SATL1: variants seen among roughly 807,000 people sequenced by gnomAD.
The protein encoded by SATL1 is spermidine/spermine N(1)-acetyltransferase-like protein 1.
A neutral mutation model predicts 51.8 loss-of-function variants in SATL1; 47 were observed. The observed-to-expected ratio is 0.91, with a 90% confidence interval of 0.72 to 1.16. The LOEUF (loss-of-function observed/expected upper bound fraction) is 1.16, where lower values mean the gene tolerates loss of function less well. SATL1 is among the 50% of genes most tolerant of loss of function. The probability of loss-of-function intolerance (pLI) is 0.00; values close to 1 mark genes in which losing one functional copy is unlikely to be tolerated. For synonymous variants in SATL1, 176 were observed against 182.4 expected, an observed-to-expected ratio of 0.97 and a Z score of 0.28; for missense variants, 520 against 526.4, an observed-to-expected ratio of 0.99 and a Z score of 0.12.
chrX:85,097,987 A>G (rs1924782765), intron 4 of SATL1, among the ~76,000 whole-genome samples: 1 of 111,645 alleles, frequency 9.0e-6, no homozygotes, highest in Non-Finnish European at 1.9e-5. Flanking sequence ...CAGTAATTAA[A>G]TGTAAATGGA....
At position 85,108,698 on chromosome X, in the gene SATL1, G is replaced by T; in HGVS notation, c.271C>A (p.Gln91Lys). The change falls in exon 3 of 8, where the codon CAA becomes AAA. Residue 91 changes from glutamine (Q) to lysine (K), a missense_variant. By Grantham distance (53) the Gln-to-Lys change is moderately conservative. Coordinates refer to ENST00000644105, the MANE Select transcript of SATL1 (RefSeq NM_001367857.2). ...QLGRSQPGML[Q>K]QELSQLVLSK... The stretch of plus-strand genomic sequence containing the variant: ...AGGACTAGTTGGCTCAGTTCTTGTT[G>T]CAGCATGCCTGGTTGGCTCCTACCT... 1 of 1,202,527 alleles carries T rather than the reference G, an allele frequency of 8.3e-7. No individual in the cohort carries two copies. The highest frequency in any genetic ancestry group is 1.1e-6 in the Non-Finnish European group (1 of 890,476).
At chrX:85,194,133 C>A (rs982854813) in intron 2 of SATL1, among the ~76,000 whole-genome samples, 1 of 112,103 alleles carries the variant, frequency 8.9e-6, no homozygotes, top group African/African-American at 3.2e-5. Context: ...TACACTTCTA[C>A]CAACAGTATA....
chrX:85,129,795 G>A (rs1408030275), intron 2 of SATL1, among the ~76,000 whole-genome samples: 2 of 111,430 alleles, frequency 1.8e-5, no homozygotes, highest in Non-Finnish European at 3.8e-5. Flanking sequence ...GGCATAAATA[G>A]CTCTTATTAT....
intron 4 of SATL1, among the ~76,000 whole-genome samples, chrX:85,097,714 G>GAT (rs973470376): frequency 2.1e-4 from 24 of 111,744 alleles, no homozygotes; most frequent in Middle Eastern, 4.6e-3. Flanking sequence ...GGGGGACAGA[G>GAT]ATATATATAT....
intron 2 of SATL1, chrX:85,211,058 G>A (rs917443983): frequency 1.8e-5 from 2 of 111,165 alleles, no homozygotes; most frequent in Non-Finnish European, 3.8e-5. Flanking sequence ...AGTAGTTCAT[G>A]GTATATAATT....
rs1295419719 is a variant in SATL1, at chrX:85,107,704, C to A, written c.1265G>T (p.Ser422Ile). 2 of 1,210,487 alleles carry A rather than the reference C, an allele frequency of 1.7e-6. No individual in the cohort carries two copies. Among genetic ancestry groups the A allele is most frequent in the Non-Finnish European group, 2.2e-6 (2 of 895,320 alleles). The change falls in exon 3 of 8, where the codon AGC becomes ATC. Residue 422 changes from serine to isoleucine, a missense_variant. Transcript: ENST00000644105. ...GTTTGGTTGCCTCGGGACTGGTTGG[C>A]TCAGGCCTGTTTGCCATGTGCCTGG... ...SQPGTWQTGL[S>I]QPVPRQPNKS...
At chrX:85,201,367 C>A (rs183266005) in intron 2 of SATL1, among the ~76,000 whole-genome samples, 211 of 111,066 alleles carry the variant, frequency 1.9e-3, no homozygotes, top group African/African-American at 6.7e-3. Flanking sequence ...TTTTAAGGCC[C>A]AATTTTAAGA....
At chrX:85,159,696 G>C (rs746621657) in intron 2 of SATL1, among the ~76,000 whole-genome samples, 2 of 111,013 alleles carry the variant, frequency 1.8e-5, no homozygotes, top group Non-Finnish European at 3.8e-5. Flanking sequence ...AGCCCTCATG[G>C]TAACACCACC....
chrX:85,141,071 T>G (rs1344086552), intron 2 of SATL1, among the ~76,000 whole-genome samples: 1 of 111,734 alleles, frequency 8.9e-6, no homozygotes, highest in African/African-American at 3.3e-5. Context: ...GCAAGATGAC[T>G]GCAGCCATTC....
chrX:85,178,650 A>AC (rs770452181), intron 2 of SATL1, among the ~76,000 whole-genome samples: 6 of 110,277 alleles, frequency 5.4e-5, no homozygotes, highest in South Asian at 7.6e-4. Context: ...AAACAAACAA[A>AC]AAAAAACAAA....
Position 85,108,198 on chromosome X carries a change from G to C in SATL1, c.771C>G (p.Asn257Lys). The C allele has an allele frequency of 5.0e-6, 6 of 1,211,738 alleles. No homozygotes were observed. The highest frequency in any genetic ancestry group is 6.7e-6 in the Non-Finnish European group (6 of 895,525). ...GGCTTGGCTGGATTATACCTGTTTG[G>C]TTGGAATCTGATAAACTTGATTGGT... is the stretch of plus-strand genomic sequence containing the variant. ...DANQSSLSDSNQTGIIQPSPS... is the reference protein window; with the variant it reads ...DANQSSLSDSKQTGIIQPSPS... Residue 257 changes from asparagine to lysine, a missense_variant, in exon 3 of 8, where the codon AAC becomes AAG. By Grantham distance (94) the Asn-to-Lys change is moderately conservative. Around this residue, in one of 3 missense-constraint regions of SATL1, gnomAD observed 488 missense variants for 474.3 expected, o/e 1.03. Coordinates refer to ENST00000644105, the MANE Select transcript of SATL1 (RefSeq NM_001367857.2).
In SATL1 at chrX:85,107,323, CTTACT is replaced by C; in HGVS notation, c.1641_1641+4del. Reference sequence around the variant, plus strand: ...TGAGGCTCCATGTAATAAAAATAGGCTTACTTTAATCAGTCGCAAAATTTCTGGGC... The same window carrying C: ...TGAGGCTCCATGTAATAAAAATAGGCTTAATCAGTCGCAAAATTTCTGGGC... On this transcript the variant is annotated splice_donor_variant and splice_donor_region_variant and coding_sequence_variant and intron_variant, in exon 3 of 8. Coordinates refer to ENST00000644105, the MANE Select transcript of SATL1 (RefSeq NM_001367857.2). LOFTEE classifies it high-confidence loss of function. 8.3e-7 allele frequency: 1 copy of C among 1,201,890 alleles called. No individual in the cohort carries two copies. The highest frequency in any genetic ancestry group is 1.1e-6 in the Non-Finnish European group (1 of 886,893).
At chrX:85,122,325 C>T (rs752590436) in intron 2 of SATL1, among the ~76,000 whole-genome samples, 2 of 111,752 alleles carry the variant, frequency 1.8e-5, no homozygotes, top group South Asian at 3.7e-4. Flanking sequence ...ATTAGAACCA[C>T]CTATGGAGCT....
chrX:85,128,728 T>C (rs1319404575), intron 2 of SATL1, among the ~76,000 whole-genome samples: 1 of 112,152 alleles, frequency 8.9e-6, no homozygotes, highest in Non-Finnish European at 1.9e-5. Context: ...TGCCCATGCC[T>C]ATGCCTGAAT....
At chrX:85,124,412 A>G (rs1364400663) in intron 2 of SATL1, among the ~76,000 whole-genome samples, 1 of 112,058 alleles carries the variant, frequency 8.9e-6, no homozygotes, top group Non-Finnish European at 1.9e-5. Flanking sequence ...CAGTTTCCTC[A>G]TCTTTAAAAT....
At chrX:85,192,236 T>C (rs779991791) in intron 2 of SATL1, among the ~76,000 whole-genome samples, 1 of 112,014 alleles carries the variant, frequency 8.9e-6, no homozygotes, top group Non-Finnish European at 1.9e-5. Context: ...GGATCCAGCA[T>C]GACCTTTCCA....
At chrX:85,240,428 T>C (rs1328357004) in intron 1 of SATL1, among the ~76,000 whole-genome samples, 4 of 111,876 alleles carry the variant, frequency 3.6e-5, no homozygotes, top group African/African-American at 6.5e-5. Flanking sequence ...TGTTACATCA[T>C]TGGAGGTTGT....
chrX:85,121,796 G>C (rs1925514463), intron 2 of SATL1, among the ~76,000 whole-genome samples: 1 of 108,663 alleles, frequency 9.2e-6, no homozygotes, highest in Non-Finnish European at 1.9e-5. Flanking sequence ...GTGATCTAAT[G>C]TACAGCATAC....
chrX:85,240,592 T>G (rs1220474986), intron 1 of SATL1, among the ~76,000 whole-genome samples: 6 of 111,511 alleles, frequency 5.4e-5, no homozygotes, highest in Non-Finnish European at 1.1e-4. Flanking sequence ...ATTTTTTTTT[T>G]CTTTTGACTG....
Sources: allele counts gnomAD v4.1 joint callset (sites outside exome capture counted in the v4.1 genomes callset), GRCh38; gene constraint gnomAD v4.1.1; regional missense constraint gnomAD v4.1.1; transcripts MANE v1.5; gene names NCBI Gene and HGNC (gene_info 2026-07-23, HGNC 2026-07-21).